The following VRK1 variants were observed in gnomAD, a reference collection of about 807,000 sequenced individuals.
VRK1 encodes VRK serine/threonine kinase 1, also known as serine/threonine-protein kinase VRK1.
VRK1 carries 33 observed loss-of-function variants against 57.1 expected under a neutral mutation model. That is an observed-to-expected ratio of 0.58 (90% CI 0.44 to 0.77). The LOEUF (loss-of-function observed/expected upper bound fraction) is 0.77, where lower values mean the gene tolerates loss of function less well. Among genes scored for constraint, VRK1 ranks in the 30% least tolerant of loss-of-function variants. VRK1 has a pLI of 0.00. For missense variants in VRK1, 413 were observed against 477.3 expected (o/e 0.87, Z 1.25); for synonymous variants, 137 against 147.8 (o/e 0.93, Z 0.53).
chr14:96,852,445 T>G (rs1367597138), intron 5 of VRK1, among the ~76,000 whole-genome samples: 1 of 152,194 alleles, frequency 6.6e-6, no homozygotes, highest in Non-Finnish European at 1.5e-5. Flanking sequence ...GGAGAAACAG[T>G]CACAGGAAGG....
intron 5 of VRK1, among the ~76,000 whole-genome samples, chr14:96,852,064 G>A (rs921116169): frequency 1.1e-4 from 17 of 152,196 alleles, no homozygotes. Context: ...GCTAAGCAGT[G>A]TTATTGCAAA....
At chr14:96,851,833 G>C (rs1237564318) in intron 5 of VRK1, among the ~76,000 whole-genome samples, 1 of 152,196 alleles carries the variant, frequency 6.6e-6, no homozygotes, top group African/African-American at 2.4e-5. Context: ...AGGTTTAAAT[G>C]CATTAATAAC....
At chr14:96,851,037 T>C (rs1031827841) in intron 5 of VRK1, among the ~76,000 whole-genome samples, 3 of 152,200 alleles carry the variant, frequency 2.0e-5, no homozygotes, top group Admixed American at 6.5e-5. Flanking sequence ...GCAAAATCTG[T>C]TACACAAAGG....
intron 3 of VRK1, among the ~76,000 whole-genome samples, chr14:96,840,672 G>A (rs1483475604): frequency 6.6e-6 from 1 of 152,120 alleles, no homozygotes; most frequent in African/African-American, 2.4e-5. Flanking sequence ...GAGTTCTGTT[G>A]TGAGAAGAAA....
chr14:96,846,963 C>T (rs932128583), intron 4 of VRK1, among the ~76,000 whole-genome samples: 3 of 151,778 alleles, frequency 2.0e-5, no homozygotes, highest in Non-Finnish European at 4.4e-5. Flanking sequence ...GAACCAAGCC[C>T]CTAGAACAAA....
chr14:96,824,380 G>T (rs1886718372), intron 1 of VRK1, among the ~76,000 whole-genome samples: 1 of 152,182 alleles, frequency 6.6e-6, no homozygotes, highest in Non-Finnish European at 1.5e-5. Context: ...AAAAGGAAGA[G>T]AATGTTTCAA....
intron 12 of VRK1, among the ~76,000 whole-genome samples, chr14:96,876,776 CAAAA>C (rs5810784): frequency 7.9e-6 from 1 of 126,746 alleles, no homozygotes; most frequent in Non-Finnish European, 1.7e-5. Flanking sequence ...GTTCTTGAAG[CAAAA>C]AAAAAAAAAA....
At chr14:96,806,022 A>G (rs1012703452) in intron 1 of VRK1, among the ~76,000 whole-genome samples, 2 of 134,894 alleles carry the variant, frequency 1.5e-5, no homozygotes, top group Admixed American at 8.0e-5. Flanking sequence ...GCAAGCTCTT[A>G]TAGTGCTATG....
chr14:96,799,444 T>C (rs1336577251), intron 1 of VRK1, among the ~76,000 whole-genome samples: 1 of 152,172 alleles, frequency 6.6e-6, no homozygotes, highest in Admixed American at 6.5e-5. Context: ...TTTTTTTTTC[T>C]TAAAAGCATC....
intron 1 of VRK1, among the ~76,000 whole-genome samples, chr14:96,818,487 A>G (rs1043405187): frequency 1.3e-5 from 2 of 152,150 alleles, no homozygotes; most frequent in Admixed American, 1.3e-4. Flanking sequence ...AAACATGACT[A>G]GTGTGACAAT....
At chr14:96,845,858 C>T (rs988418243) in intron 3 of VRK1, among the ~76,000 whole-genome samples, 3 of 152,038 alleles carry the variant, frequency 2.0e-5, no homozygotes, top group African/African-American at 7.2e-5. Context: ...AGCTATATAT[C>T]TGATTTTGTA....
intron 1 of VRK1, among the ~76,000 whole-genome samples, chr14:96,812,112 CTTTA>C (rs1383555171): frequency 6.6e-6 from 1 of 152,140 alleles, no homozygotes; most frequent in Non-Finnish European, 1.5e-5. Context: ...TGTGTTAATA[CTTTA>C]TTTCTTTTTA....
At chr14:96,827,157 C>T (rs1886829405) in intron 1 of VRK1, among the ~76,000 whole-genome samples, 1 of 151,828 alleles carries the variant, frequency 6.6e-6, no homozygotes, top group African/African-American at 2.4e-5. Flanking sequence ...GGTGGTCGCA[C>T]AAGTGTATGT....
At chr14:96,836,063 A>G (rs1887199926) in intron 2 of VRK1, among the ~76,000 whole-genome samples, 1 of 152,114 alleles carries the variant, frequency 6.6e-6, no homozygotes, top group Non-Finnish European at 1.5e-5. Context: ...TGTCTCCTCA[A>G]AGTCTGTGCT....
At chr14:96,829,511 T>G (rs1316426860) in intron 1 of VRK1, among the ~76,000 whole-genome samples, 7 of 152,186 alleles carry the variant, frequency 4.6e-5, no homozygotes, top group Admixed American at 2.6e-4. Context: ...TAAAAATATT[T>G]CCAAGTACAG....
At chr14:96,871,021 T>C (rs184433200) in intron 11 of VRK1, among the ~76,000 whole-genome samples, 251 of 149,416 alleles carry the variant, frequency 1.7e-3, no homozygotes, top group African/African-American at 6.3e-3. Context: ...AACCAGATGG[T>C]TTTTTTCCTC....
At position 96,881,216 on chromosome 14, in the gene VRK1, G is replaced by T; in HGVS notation, c.*8G>T. On this transcript the variant is annotated 3_prime_UTR_variant, in exon 13 of 13. Transcript: ENST00000216639. ...AAGAGAGTCCAGAAGTAATTCAGAT[G>T]CTGTGAACCAGATTTCCTTTTCTTT... 6.2e-7 allele frequency: 1 copy of T among 1,601,732 alleles called. No homozygotes were observed. The highest frequency in any genetic ancestry group is 8.5e-7 in the Non-Finnish European group (1 of 1,173,114).
intron 10 of VRK1, among the ~76,000 whole-genome samples, chr14:96,860,022 T>A (rs1888321653): frequency 6.6e-6 from 1 of 152,178 alleles, no homozygotes; most frequent in African/African-American, 2.4e-5. Context: ...TGTCTAAGTG[T>A]ACAGTACACT....
At chr14:96,849,023 G>A (rs12897588) in intron 5 of VRK1, among the ~76,000 whole-genome samples, 52,230 of 151,912 alleles carry the variant, frequency 0.34, 9,333 homozygotes, top group South Asian at 0.43. Flanking sequence ...GAGGAAGAGG[G>A]CATGTGTGTA....
Sources: gnomAD v4.1 joint callset for allele counts (sites outside exome capture counted in the v4.1 genomes callset) on GRCh38, gnomAD v4.1.1 for gene constraint, MANE v1.5 for transcripts, NCBI Gene and HGNC (gene_info 2026-07-23, HGNC 2026-07-21) for gene names.